Variants in WDR64 observed in about 807,000 individuals in gnomAD.
WDR64 encodes the protein WD repeat domain 64, also known as WD repeat-containing protein 64.
A neutral mutation model predicts 139.3 loss-of-function variants in WDR64; 112 were observed. The ratio of observed to expected loss-of-function variants is 0.80; its 90% confidence interval spans 0.69 to 0.94. The LOEUF (loss-of-function observed/expected upper bound fraction) is 0.94, where lower values mean the gene tolerates loss of function less well. Ranked by LOEUF, WDR64 falls within the 40% of genes least tolerant of loss-of-function variation. The probability of loss-of-function intolerance (pLI) is 0.00; values close to 1 mark genes in which losing one functional copy is unlikely to be tolerated. For synonymous variants in WDR64, 444 were observed against 437.7 expected, an observed-to-expected ratio of 1.01 and a Z score of -0.18; for missense variants, 1,206 against 1,293.1, an observed-to-expected ratio of 0.93 and a Z score of 1.03.
At chr1:241,675,519 A>G (rs929284540) in intron 4 of WDR64, among the ~76,000 whole-genome samples, 1 of 152,170 alleles carries the variant, frequency 6.6e-6, no homozygotes, top group African/African-American at 2.4e-5. Context: ...ACCATGTGGC[A>G]TCAACACAAT....
At chr1:241,744,610 T>A in intron 13 of WDR64, 94 bp downstream of exon 13, 1 of 1,524,316 alleles carries the variant, frequency 6.6e-7, no homozygotes, top group South Asian at 1.3e-5. Flanking sequence ...AAGGAGAGCA[T>A]GAAGCAGGCT....
intron 12 of WDR64, among the ~76,000 whole-genome samples, chr1:241,744,188 A>G (rs930210475): frequency 2.0e-5 from 3 of 152,170 alleles, no homozygotes; most frequent in Admixed American, 1.3e-4. Flanking sequence ...CAGCCCCTAC[A>G]TTTGCAGCAG....
intron 15 of WDR64, among the ~76,000 whole-genome samples, chr1:241,759,199 C>T (rs536298271): frequency 1.3e-5 from 2 of 152,242 alleles, no homozygotes; most frequent in East Asian, 3.9e-4. Flanking sequence ...TGATACCTGA[C>T]ACAGCTCAAA....
intron 8 of WDR64, among the ~76,000 whole-genome samples, chr1:241,698,651 T>A (rs369990412): frequency 7.6e-4 from 116 of 152,234 alleles, no homozygotes; most frequent in African/African-American, 2.6e-3. Context: ...TGGAACTTTG[T>A]ACATATTTTG....
Position 241,664,507 on chromosome 1 carries a change from T to G in WDR64, c.276+3847T>G, listed in dbSNP as rs1053448897. On this transcript the variant is annotated intron_variant, in intron 2 of 27. Transcript: ENST00000437684. ...TGCCAACAAATGAGACAAAGCACTC[T>G]GTGATAAATCCATTTACATGGAATT... Among the ~76,000 whole-genome samples, 7 of 152,244 alleles carry G rather than the reference T, an allele frequency of 4.6e-5. No homozygotes were observed. In the East Asian group the frequency reaches 1.3e-3, roughly 29 times the overall value.
chr1:241,775,768 T>C (rs1305317710), intron 21 of WDR64, among the ~76,000 whole-genome samples: 1 of 152,200 alleles, frequency 6.6e-6, no homozygotes, highest in African/African-American at 2.4e-5. Context: ...TGTGTGTATG[T>C]GAATGCACAT....
chr1:241,694,929 C>A, intron 8 of WDR64, among the ~76,000 whole-genome samples: 1 of 152,258 alleles, frequency 6.6e-6, no homozygotes, highest in South Asian at 2.1e-4. Flanking sequence ...ATCTAAGCCA[C>A]GACCCCTGCC....
chr1:241,674,920 C>T (rs1266058326), intron 4 of WDR64, among the ~76,000 whole-genome samples, 173 bp downstream of exon 4: 3 of 55,742 alleles, frequency 5.4e-5, no homozygotes, highest in African/African-American at 1.8e-4. Flanking sequence ...TTCCTTCCTT[C>T]CTTCTTTCCT....
intron 1 of WDR64, among the ~76,000 whole-genome samples, chr1:241,653,663 C>A (rs1021775390): frequency 3.3e-5 from 5 of 151,774 alleles, no homozygotes. Flanking sequence ...CCTGCCTCAG[C>A]CTCCCAAGTA....
intron 8 of WDR64, among the ~76,000 whole-genome samples, chr1:241,698,345 G>A (rs1407233673): frequency 1.3e-5 from 2 of 151,998 alleles, no homozygotes; most frequent in Non-Finnish European, 2.9e-5. Context: ...CATGGCATCT[G>A]TCCTGTCTTC....
At chr1:241,664,069 A>G (rs1325029584) in intron 2 of WDR64, among the ~76,000 whole-genome samples, 1 of 152,266 alleles carries the variant, frequency 6.6e-6, no homozygotes, top group African/African-American at 2.4e-5. Context: ...CTGCAGCCAC[A>G]CAGAAATGAT....
chr1:241,796,696 G>C (rs759425943), intron 27 of WDR64, among the ~76,000 whole-genome samples: 4 of 152,196 alleles, frequency 2.6e-5, no homozygotes, highest in East Asian at 1.9e-4. Context: ...GTTTCGCCTT[G>C]TTGGCCAGGC....
At chr1:241,736,706 G>A (rs930828452) in intron 10 of WDR64, among the ~76,000 whole-genome samples, 1 of 152,170 alleles carries the variant, frequency 6.6e-6, no homozygotes, top group Non-Finnish European at 1.5e-5. Flanking sequence ...ACTGCACAAT[G>A]AAGAAGAGAA....
At chr1:241,723,535 A>G in intron 10 of WDR64, 99 bp downstream of exon 10, 1 of 1,317,988 alleles carries the variant, frequency 7.6e-7, no homozygotes, top group East Asian at 2.6e-5. Context: ...AATAAATGAT[A>G]GTCATTGAAT....
intron 2 of WDR64, among the ~76,000 whole-genome samples, chr1:241,662,766 A>T (rs1460995438): frequency 1.3e-5 from 2 of 152,186 alleles, no homozygotes; most frequent in Non-Finnish European, 2.9e-5. Flanking sequence ...TTGAGCAAGG[A>T]TCATATTTAT....
intron 15 of WDR64, among the ~76,000 whole-genome samples, 162 bp from the exon 16 acceptor site, chr1:241,766,056 A>G (rs938052920): frequency 2.6e-5 from 4 of 152,218 alleles, no homozygotes; most frequent in Non-Finnish European, 5.9e-5. Context: ...ATTTTAGTGC[A>G]AGAAAAATAA....
At chr1:241,771,812 A>C (rs1658441242) in intron 19 of WDR64, 115 bp downstream of exon 19, 1 of 433,912 alleles carries the variant, frequency 2.3e-6, no homozygotes, top group Admixed American at 4.9e-5. Context: ...TAAATTCATT[A>C]TATATATTCA....
chr1:241,660,561 G>T lies in WDR64; in HGVS notation c.177G>T (p.Ser59=). ...DAIGYDKFYA[S]VQKLFGPDVK... ...TTGGTTATGACAAGTTTTATGCATCGGTACAGAAGCTCTTTGGTCCAGATG... is the reference window on the plus strand; with the variant it reads ...TTGGTTATGACAAGTTTTATGCATCTGTACAGAAGCTCTTTGGTCCAGATG... The change falls in exon 2 of 28, where the codon TCG becomes TCT. Residue 59 remains serine, a synonymous_variant. Coordinates refer to ENST00000437684, the MANE Select transcript of WDR64 (RefSeq NM_001367482.1). 1 of 1,551,676 alleles carries T rather than the reference G, an allele frequency of 6.4e-7. No individual in the cohort carries two copies. The highest frequency in any genetic ancestry group is 8.7e-7 in the Non-Finnish European group (1 of 1,146,808).
At chr1:241,755,854 C>T (rs1236053170) in intron 14 of WDR64, among the ~76,000 whole-genome samples, 1 of 152,130 alleles carries the variant, frequency 6.6e-6, no homozygotes, top group African/African-American at 2.4e-5. Context: ...TCAGGTTTGT[C>T]AAAGATCAGA....
Sources: allele counts gnomAD v4.1 joint callset (sites outside exome capture counted in the v4.1 genomes callset), GRCh38; gene constraint gnomAD v4.1.1; transcripts MANE v1.5; gene names NCBI Gene and HGNC (gene_info 2026-07-23, HGNC 2026-07-21).